The following SCN1A variants were observed in gnomAD, a reference collection of about 807,000 sequenced individuals.
SCN1A encodes the protein sodium voltage-gated channel alpha subunit 1, also known as sodium channel protein type 1 subunit alpha.
Under a neutral mutation model 193.7 loss-of-function variants are expected in SCN1A, and 13 were observed. The observed-to-expected ratio is 0.07, with a 90% confidence interval of 0.04 to 0.11. SCN1A has a LOEUF of 0.11. Ranked by LOEUF, SCN1A falls within the 10% of genes least tolerant of loss-of-function variation. SCN1A has a pLI of 1.00. For missense variants in SCN1A, 1,432 were observed against 2,451.1 expected (o/e 0.58, Z 8.78); for synonymous variants, 781 against 843.6 (o/e 0.93, Z 1.29).
At chr2:166,101,326 A>G (rs1254013384) in intron 2 of SCN1A, among the ~76,000 whole-genome samples, 1 of 128,890 alleles carries the variant, frequency 7.8e-6, no homozygotes, top group African/African-American at 3.0e-5. Context: ...ACATGGACAC[A>G]GGAAGGGGAA....
At chr2:166,091,409 G>A (rs58344869) in intron 2 of SCN1A, among the ~76,000 whole-genome samples, 8,526 of 152,208 alleles carry the variant, frequency 0.056, 381 homozygotes, top group African/African-American at 0.12. Context: ...AAAGCAGAGG[G>A]TCCTCACAAG....
chr2:166,135,485 T>C (rs953679936), intron 1 of SCN1A, among the ~76,000 whole-genome samples: 5 of 152,234 alleles, frequency 3.3e-5, no homozygotes, highest in Admixed American at 3.3e-4. Flanking sequence ...ATCTGTAAAG[T>C]ATACAAGTGT....
chr2:166,086,140 T>C (rs76041497), intron 2 of SCN1A, among the ~76,000 whole-genome samples: 1,836 of 152,210 alleles, frequency 0.012, 30 homozygotes, highest in African/African-American at 0.042. Flanking sequence ...CCATGGTGGA[T>C]CAGGGAGTCA....
chr2:166,096,181 G>A (rs962083954), intron 2 of SCN1A, among the ~76,000 whole-genome samples: 1 of 152,112 alleles, frequency 6.6e-6, no homozygotes, highest in Non-Finnish European at 1.5e-5. Flanking sequence ...GAGAGTCAAT[G>A]TCTATTGTTA....
chr2:166,024,603 A>G (rs1694495183), intron 19 of SCN1A, among the ~76,000 whole-genome samples: 1 of 152,144 alleles, frequency 6.6e-6, no homozygotes, highest in African/African-American at 2.4e-5. Context: ...AACAATTAGG[A>G]GTAATATTTC....
intron 27 of SCN1A, among the ~76,000 whole-genome samples, chr2:165,995,646 C>G (rs539147637): frequency 6.6e-6 from 1 of 151,718 alleles, no homozygotes; most frequent in African/African-American, 2.4e-5. Context: ...TCTTACAGCC[C>G]CATCCCAAGG....
At position 166,041,557 on chromosome 2, in the gene SCN1A, G is replaced by T; in HGVS notation, c.2177-88C>A. On this transcript the variant is annotated intron_variant, in intron 15 of 28. Coordinates refer to ENST00000674923, the MANE Select transcript of SCN1A (RefSeq NM_001165963.4). ...TTCATATCCACTAAACTTATTTTCA[G>T]TAATCAACACATTTTTGTTACAGAG... 12 of 915,320 alleles carry T rather than the reference G, an allele frequency of 1.3e-5. No homozygotes were observed. In the South Asian group the frequency reaches 1.7e-4, roughly 13 times the overall value. 56.7% of individuals were successfully genotyped at this position (915,320 alleles called of 1,614,324 possible). A position where few individuals can be genotyped will look rare whatever the true frequency, so the allele number is the denominator to read the frequency against.
At chr2:166,096,882 T>C (rs1034923720) in intron 2 of SCN1A, among the ~76,000 whole-genome samples, 3 of 152,240 alleles carry the variant, frequency 2.0e-5, no homozygotes, top group African/African-American at 7.2e-5. Context: ...TCAATCACTT[T>C]TCTGAAATCT....
intron 14 of SCN1A, among the ~76,000 whole-genome samples, chr2:166,042,981 T>C (rs1291158171): frequency 6.6e-6 from 1 of 152,198 alleles, no homozygotes; most frequent in East Asian, 1.9e-4. Context: ...CATCTAATTC[T>C]GACTTAGTCA....
At chr2:166,032,458 A>G (rs1466894765) in intron 19 of SCN1A, among the ~76,000 whole-genome samples, 1 of 152,140 alleles carries the variant, frequency 6.6e-6, no homozygotes, top group Non-Finnish European at 1.5e-5. Flanking sequence ...TAATTCCTCT[A>G]AAAGCAGAAT....
chr2:166,051,792 A>G lies in SCN1A; in HGVS notation c.891T>C (p.Thr297=), dbSNP rs775503842. ...TTATAAGTGTACCATTATAATTCAC[A>G]GTTATATTCTTTTCTATACTATGTT... is the stretch of plus-strand genomic sequence containing the variant. ...LEEHSIEKNI[T]VNYNGTLINE... Residue 297 remains threonine, a synonymous_variant, in exon 9 of 29, where the codon ACT becomes ACC. Transcript: ENST00000674923. 2 of 1,611,150 alleles carry G rather than the reference A, an allele frequency of 1.2e-6. No individual in the cohort carries two copies. The highest frequency in any genetic ancestry group is 2.2e-5 in the East Asian group (1 of 44,822).
intron 12 of SCN1A, among the ~76,000 whole-genome samples, chr2:166,045,708 A>T (rs1164356263): frequency 6.6e-6 from 1 of 152,216 alleles, no homozygotes; most frequent in Non-Finnish European, 1.5e-5. Flanking sequence ...AGTATGGAAG[A>T]AAAGCTGATG....
At position 166,122,149 on chromosome 2, in the gene SCN1A, T is replaced by C. The variant is rs577092520; in HGVS notation, c.-142+4775A>G. 2.1e-4 allele frequency among the ~76,000 whole-genome samples: 32 copies of C among 152,318 alleles called. No individual in the cohort carries two copies. In the South Asian group the frequency reaches 3.1e-3, roughly 15 times the overall value. ...TGTCATGGTAGCCCAAGTTAACTAA[T>C]ACAGAAACCAACCCTATTTGAATGG... On this transcript the variant is annotated intron_variant, in intron 2 of 28. Transcript: ENST00000674923.
chr2:166,137,822 CAGA>C (rs1270260163), intron 1 of SCN1A, among the ~76,000 whole-genome samples: 2 of 152,044 alleles, frequency 1.3e-5, no homozygotes, highest in Admixed American at 6.5e-5. Flanking sequence ...TTGGAGGGCT[CAGA>C]AGAAGAAAGG....
At chr2:166,094,065 A>AC in intron 2 of SCN1A, among the ~76,000 whole-genome samples, 1 of 152,064 alleles carries the variant, frequency 6.6e-6, no homozygotes, top group Non-Finnish European at 1.5e-5. Flanking sequence ...ACACACACAC[A>AC]AAAATGATCT....
Position 165,998,051 on chromosome 2 carries a change from T to C in SCN1A, c.4463A>G (p.Gln1488Arg). ...AGAAATACTTATCTTCTTTTTCTGC[T>C]GGTTGAAATTATCTATGATGACACC... ...FIGVIIDNFN[Q>R]QKKKFGGQDI... The change falls in exon 26 of 29, where the codon CAG becomes CGG. Residue 1488 changes from glutamine (Q) to arginine (R), a missense_variant. Transcript: ENST00000674923. The C allele has an allele frequency of 6.2e-7, 1 of 1,603,856 alleles. No homozygotes were observed. Among genetic ancestry groups the C allele is most frequent in the Non-Finnish European group, 8.5e-7 (1 of 1,172,432 alleles).
At chr2:166,047,541 A>G (rs1450121636) in intron 11 of SCN1A, 86 bp downstream of exon 11, 9 of 1,456,342 alleles carry the variant, frequency 6.2e-6, no homozygotes, top group Non-Finnish European at 8.7e-6. Context: ...TTTCTACTAT[A>G]TTATCATCCG....
intron 4 of SCN1A, among the ~76,000 whole-genome samples, chr2:166,061,996 A>G (rs1022842102): frequency 6.6e-6 from 1 of 152,184 alleles, no homozygotes; most frequent in Non-Finnish European, 1.5e-5. Context: ...AATGGAAAAT[A>G]CTTGCAAGTT....
intron 2 of SCN1A, among the ~76,000 whole-genome samples, chr2:166,119,369 T>C (rs1690279682): frequency 6.6e-6 from 1 of 152,180 alleles, no homozygotes; most frequent in South Asian, 2.1e-4. Context: ...TGCCATTCCA[T>C]TTGATAATCT....
Sources: allele counts gnomAD v4.1 joint callset (sites outside exome capture counted in the v4.1 genomes callset), GRCh38; gene constraint gnomAD v4.1.1; transcripts MANE v1.5; gene names NCBI Gene and HGNC (gene_info 2026-07-23, HGNC 2026-07-21).